Variants in PHF24 observed in about 807,000 individuals in gnomAD.
PHF24 encodes PHD finger protein 24.
A neutral mutation model predicts 42.6 loss-of-function variants in PHF24; 25 were observed. The observed-to-expected ratio is 0.59, with a 90% confidence interval of 0.43 to 0.82. The LOEUF (loss-of-function observed/expected upper bound fraction) is 0.82, where lower values mean the gene tolerates loss of function less well. Among genes scored for constraint, PHF24 ranks in the 40% least tolerant of loss-of-function variants. PHF24 has a pLI of 0.00. For synonymous variants in PHF24, 185 were observed against 204.8 expected (o/e 0.90, Z 0.83); for missense variants, 470 against 538.1 (o/e 0.87, Z 1.25).
the PHF24 span, among the ~76,000 whole-genome samples, chr9:34,677,100 C>T: frequency 2.0e-5 from 3 of 152,218 alleles, no homozygotes; most frequent in African/African-American, 7.2e-5. Flanking sequence ...TCGTCTTCTC[C>T]CCAGTTATCC....
the PHF24 span, among the ~76,000 whole-genome samples, chr9:34,699,767 G>A: frequency 4.6e-5 from 7 of 152,314 alleles, 1 homozygote; most frequent in South Asian, 6.2e-4. Flanking sequence ...GCCAGACACC[G>A]TTCTTGGCAC....
the PHF24 span, among the ~76,000 whole-genome samples, chr9:34,769,450 C>G: frequency 1.3e-5 from 2 of 152,110 alleles, no homozygotes; most frequent in African/African-American, 4.8e-5. Flanking sequence ...AATAGATATA[C>G]CATATTCTAA....
the PHF24 span, chr9:34,728,010 G>A: frequency 1.9e-6 from 3 of 1,551,598 alleles, no homozygotes; most frequent in Non-Finnish European, 2.6e-6. Context: ...AGTGCAAAGA[G>A]CAATAGATCA....
chr9:34,804,363 A>G, the PHF24 span, among the ~76,000 whole-genome samples: 1 of 152,178 alleles, frequency 6.6e-6, no homozygotes, highest in Non-Finnish European at 1.5e-5. Flanking sequence ...GTTCTTATAT[A>G]CCACCCCTGC....
the PHF24 span, among the ~76,000 whole-genome samples, chr9:34,904,286 A>G: frequency 1.3e-5 from 2 of 152,142 alleles, no homozygotes; most frequent in Non-Finnish European, 2.9e-5. Context: ...GAGAGTGGGC[A>G]TCCTTGTCTT....
the PHF24 span, among the ~76,000 whole-genome samples, chr9:34,813,138 G>A: frequency 4.6e-5 from 7 of 152,174 alleles, no homozygotes; most frequent in Non-Finnish European, 7.3e-5. Flanking sequence ...AGGATGAGCT[G>A]AGGGTGATGA....
At chr9:34,679,316 C>T in the PHF24 span, among the ~76,000 whole-genome samples, 2 of 152,368 alleles carry the variant, frequency 1.3e-5, no homozygotes, top group Non-Finnish European at 2.9e-5. Context: ...GTCATTGTCA[C>T]CTTTCCCTTA....
At chr9:34,840,457 GTTC>G in the PHF24 span, among the ~76,000 whole-genome samples, 59 of 132,886 alleles carry the variant, frequency 4.4e-4, no homozygotes, top group Non-Finnish European at 7.1e-4. Context: ...CCTCCTCCTT[GTTC>G]TTCTTCTTCT....
At chr9:34,853,742 G>A in the PHF24 span, among the ~76,000 whole-genome samples, 1 of 150,366 alleles carries the variant, frequency 6.7e-6, no homozygotes, top group Admixed American at 6.6e-5. Context: ...GCAGGAGAAT[G>A]GCGTGAACCC....
At chr9:34,832,483 T>C in the PHF24 span, 1 of 1,512,796 alleles carries the variant, frequency 6.6e-7, no homozygotes, top group African/African-American at 1.4e-5. Flanking sequence ...GATTGGGCCT[T>C]GGAGCACCCT....
At chr9:34,888,670 T>G in the PHF24 span, among the ~76,000 whole-genome samples, 2 of 152,214 alleles carry the variant, frequency 1.3e-5, no homozygotes, top group African/African-American at 4.8e-5. Context: ...ACCATGGCAC[T>G]CTAAAGGACC....
At chr9:34,853,745 G>A in the PHF24 span, among the ~76,000 whole-genome samples, 199 of 149,234 alleles carry the variant, frequency 1.3e-3, no homozygotes, top group African/African-American at 4.6e-3. Context: ...GGAGAATGGC[G>A]TGAACCCGGG....
chr9:34,853,278 A>G, the PHF24 span, among the ~76,000 whole-genome samples: 1 of 152,172 alleles, frequency 6.6e-6, no homozygotes, highest in African/African-American at 2.4e-5. Context: ...TAATTTGTGT[A>G]TTTTGAACTG....
At chr9:34,837,671 C>G in the PHF24 span, 1 of 1,523,316 alleles carries the variant, frequency 6.6e-7, no homozygotes, top group Non-Finnish European at 8.9e-7. Context: ...TGCTGCATCT[C>G]TAGCTCTTTG....
chr9:34,843,534 T>A, the PHF24 span, among the ~76,000 whole-genome samples: 1 of 152,226 alleles, frequency 6.6e-6, no homozygotes, highest in Non-Finnish European at 1.5e-5. Context: ...ATAAGTAATC[T>A]TTTTCAGAGC....
chr9:34,709,402 C>T, the PHF24 span: 1 of 1,609,120 alleles, frequency 6.2e-7, no homozygotes, highest in Admixed American at 1.7e-5. Flanking sequence ...GGCTATGGCC[C>T]TTTAGGGGTC....
chr9:34,910,354 C>T, the PHF24 span, among the ~76,000 whole-genome samples: 1 of 152,110 alleles, frequency 6.6e-6, no homozygotes, highest in South Asian at 2.1e-4. Flanking sequence ...ATAAAAGTCA[C>T]TCTGTTATTA....
At chr9:34,854,580 G>A in the PHF24 span, among the ~76,000 whole-genome samples, 2 of 152,108 alleles carry the variant, frequency 1.3e-5, no homozygotes, top group African/African-American at 2.4e-5. Context: ...ATGAAGTTGT[G>A]TGGCTTTGAG....
chr9:34,814,328 G>A, the PHF24 span, among the ~76,000 whole-genome samples: 1 of 152,042 alleles, frequency 6.6e-6, no homozygotes, highest in Non-Finnish European at 1.5e-5. Flanking sequence ...AACCTGTCCT[G>A]GGCCATACTA....
Sources: gnomAD v4.1 joint callset for allele counts (sites outside exome capture counted in the v4.1 genomes callset) on GRCh38, gnomAD v4.1.1 for gene constraint, MANE v1.5 for transcripts, NCBI Gene and HGNC (gene_info 2026-07-23, HGNC 2026-07-21) for gene names.